WDTC1: variants seen among roughly 807,000 people sequenced by gnomAD.
The protein encoded by WDTC1 is WD and tetratricopeptide repeats protein 1.
Under a neutral mutation model 76.0 loss-of-function variants are expected in WDTC1, and 12 were observed. The ratio of observed to expected loss-of-function variants is 0.16; its 90% CI spans 0.10 to 0.26. The LOEUF (loss-of-function observed/expected upper bound fraction) is 0.26, where lower values mean the gene tolerates loss of function less well. Ranked by LOEUF, WDTC1 falls within the 10% of genes least tolerant of loss-of-function variation. WDTC1 has a pLI of 1.00. For missense variants in WDTC1, 511 were observed against 908.8 expected, an observed-to-expected ratio of 0.56 and a Z score of 5.63; for synonymous variants, 326 against 350.8, an observed-to-expected ratio of 0.93 and a Z score of 0.79.
chr1:27,255,883 C>A (rs1459075165), intron 1 of WDTC1, among the ~76,000 whole-genome samples: 1 of 152,158 alleles, frequency 6.6e-6, no homozygotes, highest in African/African-American at 2.4e-5. Flanking sequence ...CTTTTTGAAC[C>A]ACTCTTCTTC....
chr1:27,284,712 G>A (rs1174504605), intron 5 of WDTC1, among the ~76,000 whole-genome samples: 1 of 151,820 alleles, frequency 6.6e-6, no homozygotes, highest in Non-Finnish European at 1.5e-5. Flanking sequence ...ACTCCCTAAC[G>A]GTAAGACCTT....
intron 1 of WDTC1, among the ~76,000 whole-genome samples, chr1:27,236,541 A>T (rs1259227672): frequency 6.6e-6 from 1 of 152,224 alleles, no homozygotes; most frequent in Non-Finnish European, 1.5e-5. Context: ...ACCTTCATTG[A>T]GGGTCACGAG....
chr1:27,259,211 G>GT (rs1315256616), intron 1 of WDTC1, among the ~76,000 whole-genome samples: 1 of 151,978 alleles, frequency 6.6e-6, no homozygotes, highest in Non-Finnish European at 1.5e-5. Context: ...CCAGGCAGGA[G>GT]TGCAGTGGTG....
At chr1:27,234,500 C>T (rs996712573), upstream of WDTC1, 6 of 339,240 alleles carry the variant, frequency 1.8e-5, no homozygotes, top group Non-Finnish European at 2.7e-5. Context: ...CAGACGTTGA[C>T]CGGGCGCGGG....
At chr1:27,281,199 C>T (rs1385666596) in intron 3 of WDTC1, among the ~76,000 whole-genome samples, 2 of 152,096 alleles carry the variant, frequency 1.3e-5, no homozygotes, top group African/African-American at 2.4e-5. Flanking sequence ...CGGTGGCTCA[C>T]GCCTGTAATC....
chr1:27,283,984 G>T (rs1386495160), intron 5 of WDTC1, among the ~76,000 whole-genome samples: 1 of 152,190 alleles, frequency 6.6e-6, no homozygotes, highest in African/African-American at 2.4e-5. Context: ...CATAGGAAAT[G>T]AATATTTTGA....
chr1:27,293,736 G>T (rs931504143), intron 7 of WDTC1, among the ~76,000 whole-genome samples: 1 of 152,036 alleles, frequency 6.6e-6, no homozygotes, highest in Non-Finnish European at 1.5e-5. Flanking sequence ...CTCACACACT[G>T]CATGGCTTGG....
intron 1 of WDTC1, among the ~76,000 whole-genome samples, chr1:27,243,599 G>A (rs139973729): frequency 6.6e-6 from 1 of 152,214 alleles, no homozygotes; most frequent in Non-Finnish European, 1.5e-5. Flanking sequence ...TGTAGCTTTG[G>A]CAACTTCACT....
At chr1:27,237,871 A>AG (rs1274537512) in intron 1 of WDTC1, among the ~76,000 whole-genome samples, 4 of 151,442 alleles carry the variant, frequency 2.6e-5, no homozygotes, top group East Asian at 3.9e-4. Flanking sequence ...CAAAAAAAAA[A>AG]AAAAGAAAAG....
chr1:27,253,389 T>TC (rs1310899232), intron 1 of WDTC1, among the ~76,000 whole-genome samples: 5 of 67,882 alleles, frequency 7.4e-5, no homozygotes, highest in African/African-American at 2.3e-4. Context: ...TCTTTCTTCT[T>TC]CCCCTCCCCC....
chr1:27,247,184 G>C (rs527889013), intron 1 of WDTC1, among the ~76,000 whole-genome samples: 7 of 151,806 alleles, frequency 4.6e-5, no homozygotes, highest in African/African-American at 1.7e-4. Flanking sequence ...AGCCTCTCGA[G>C]TAGCTGGGAT....
At chr1:27,289,389 G>A (rs570354659) in intron 6 of WDTC1, among the ~76,000 whole-genome samples, 15 of 150,962 alleles carry the variant, frequency 9.9e-5, no homozygotes, top group Admixed American at 5.3e-4. Flanking sequence ...AGACGGGGTC[G>A]CGGCCGGGCA....
intron 1 of WDTC1, among the ~76,000 whole-genome samples, chr1:27,256,504 T>C (rs1054673873): frequency 1.3e-5 from 2 of 152,228 alleles, no homozygotes; most frequent in Admixed American, 1.3e-4. Flanking sequence ...GTTCAAATGC[T>C]GAGAAGCCAG....
intron 1 of WDTC1, chr1:27,255,537 A>G (rs1008863236): frequency 1.3e-5 from 2 of 152,192 alleles, no homozygotes; most frequent in Non-Finnish European, 2.9e-5. Flanking sequence ...TGAATAATCA[A>G]TTGAGATAAC....
intron 1 of WDTC1, among the ~76,000 whole-genome samples, chr1:27,257,589 C>CA (rs2012325495): frequency 6.6e-6 from 1 of 152,092 alleles, no homozygotes; most frequent in African/African-American, 2.4e-5. Flanking sequence ...TTAATTTGTT[C>CA]AAATTCACAT....
At chr1:27,246,951 C>T (rs2011859996) in intron 1 of WDTC1, among the ~76,000 whole-genome samples, 1 of 150,372 alleles carries the variant, frequency 6.7e-6, no homozygotes, top group Non-Finnish European at 1.5e-5. Flanking sequence ...ACTGCAGCCT[C>T]AAACTCCTGG....
chr1:27,290,052 G>A (rs928982534), intron 6 of WDTC1, among the ~76,000 whole-genome samples: 2 of 151,028 alleles, frequency 1.3e-5, no homozygotes, highest in African/African-American at 2.4e-5. Flanking sequence ...ACCGTGGGGA[G>A]GGGGAGGGGG....
chr1:27,281,574 T>C (rs1423981385), intron 3 of WDTC1, among the ~76,000 whole-genome samples: 1 of 151,994 alleles, frequency 6.6e-6, no homozygotes, highest in Non-Finnish European at 1.5e-5. Context: ...GTTTCAGACA[T>C]ATCTCTTTTT....
chr1:27,297,836 G>A, intron 11 of WDTC1, 102 bp from the exon 12 acceptor site: 1 of 1,307,028 alleles, frequency 7.7e-7, no homozygotes, highest in East Asian at 2.5e-5. Flanking sequence ...AGATCCCAGG[G>A]GCCAAGAAAA....
Sources: allele counts gnomAD v4.1 joint callset (sites outside exome capture counted in the v4.1 genomes callset), GRCh38; gene constraint gnomAD v4.1.1; transcripts MANE v1.5; gene names NCBI Gene and HGNC (gene_info 2026-07-23, HGNC 2026-07-21).